The following TRIM36 variants were observed in gnomAD, a reference collection of about 807,000 sequenced individuals.
TRIM36 encodes tripartite motif containing 36.
In TRIM36, 42 loss-of-function variants were observed where a neutral mutation model predicts 72.4. That is an observed-to-expected ratio of 0.58 (90% CI 0.45 to 0.75). The LOEUF is 0.75. Among genes scored for constraint, TRIM36 ranks in the 30% least tolerant of loss-of-function variants. TRIM36 has a pLI of 0.00. For missense variants in TRIM36, 913 were observed against 857.1 expected (o/e 1.07, Z -0.81); for synonymous variants, 315 against 282.8 (o/e 1.11, Z -1.14).
chr5:115,167,874 T>C (rs112592481), intron 1 of TRIM36, among the ~76,000 whole-genome samples: 2,492 of 152,320 alleles, frequency 0.016, 76 homozygotes, highest in African/African-American at 0.057. Flanking sequence ...GAGTGGCTAA[T>C]TTATAAAGAA....
At chr5:115,173,255 A>G (rs3805590), upstream of TRIM36, among the ~76,000 whole-genome samples, 66,223 of 151,970 alleles carry the variant, frequency 0.44, 16,712 homozygotes, top group African/African-American at 0.71. Flanking sequence ...TCTATCTCTG[A>G]TCAGCCTTAA....
At chr5:115,141,605 G>GT (rs1753281694) in intron 4 of TRIM36, among the ~76,000 whole-genome samples, 1 of 152,036 alleles carries the variant, frequency 6.6e-6, no homozygotes, top group Non-Finnish European at 1.5e-5. Flanking sequence ...AAAGAACAAG[G>GT]TAATAATGGT....
chr5:115,132,651 T>C lies in TRIM36; in HGVS notation c.1498+1209A>G, dbSNP rs558169224. On this transcript the variant is annotated intron_variant, in intron 8 of 9. Coordinates refer to ENST00000513154, the MANE Select transcript of TRIM36 (RefSeq NM_001300759.2). Reference sequence around the variant, plus strand: ...ATGCCTCTTTTCCTGGCATGATTATTTGTGCTTGCTCTCAATCTCAAAAGT... The same window carrying C: ...ATGCCTCTTTTCCTGGCATGATTATCTGTGCTTGCTCTCAATCTCAAAAGT... Among the ~76,000 whole-genome samples the C allele has an allele frequency of 3.3e-5, 5 of 152,236 alleles. No homozygotes were observed. In the East Asian group the frequency reaches 9.6e-4, roughly 29 times the overall value.
chr5:115,132,988 T>C (rs1377904647), intron 8 of TRIM36, among the ~76,000 whole-genome samples: 7 of 152,200 alleles, frequency 4.6e-5, no homozygotes, highest in Non-Finnish European at 8.8e-5. Flanking sequence ...TTTTAAAAGC[T>C]ACAATGTGCA....
intron 3 of TRIM36, 118 bp from the exon 4 acceptor site, chr5:115,144,862 T>G (rs1753494013): frequency 1.7e-6 from 2 of 1,151,212 alleles, no homozygotes; most frequent in African/African-American, 3.2e-5. Context: ...TAAGTGAATA[T>G]GAATGTAAAA....
intron 7 of TRIM36, among the ~76,000 whole-genome samples, chr5:115,135,672 A>C (rs946209522): frequency 6.6e-6 from 1 of 152,138 alleles, no homozygotes; most frequent in Admixed American, 6.6e-5. Context: ...AGGACCTAGG[A>C]CTCACAAGTA....
chr5:115,137,665 C>G, intron 5 of TRIM36, 49 bp from the exon 6 acceptor site: 1 of 1,502,904 alleles, frequency 6.7e-7, no homozygotes, highest in Non-Finnish European at 8.8e-7. Context: ...CAAAGAATAG[C>G]CTCTTCTGCT....
At chr5:115,165,506 G>A (rs2126936458) in intron 1 of TRIM36, among the ~76,000 whole-genome samples, 1 of 152,328 alleles carries the variant, frequency 6.6e-6, no homozygotes, top group South Asian at 2.1e-4. Context: ...GCAATGGTCT[G>A]AACTGTACCT....
chr5:115,126,420 C>A lies in TRIM36; in HGVS notation c.*83G>T. 9.2e-7 allele frequency: 1 copy of A among 1,084,594 alleles called. No individual in the cohort carries two copies. Among genetic ancestry groups the A allele is most frequent in the Non-Finnish European group, 1.3e-6 (1 of 766,738 alleles). 67.2% of individuals were successfully genotyped at this position (1,084,594 alleles called of 1,614,324 possible). ...ACAAGTGGGGTGACAGAACACTCAG[C>A]GATATGTAATTAGTTACGAAGGTTA... On this transcript the variant is annotated 3_prime_UTR_variant, in exon 10 of 10. Coordinates refer to ENST00000513154, the MANE Select transcript of TRIM36 (RefSeq NM_001300759.2).
intron 1 of TRIM36, chr5:115,177,605 A>G: frequency 6.8e-7 from 1 of 1,478,552 alleles, no homozygotes; most frequent in South Asian, 1.4e-5. Context: ...GGGGTCTTAA[A>G]TGGGCTAGTG....
chr5:115,171,239 G>A (rs1413653736), upstream of TRIM36: 1 of 1,613,970 alleles, frequency 6.2e-7, no homozygotes, highest in Non-Finnish European at 8.5e-7. Flanking sequence ...AAGGAGTGTA[G>A]AATTAAAAAC....
At chr5:115,157,770 A>C (rs1754259984) in intron 2 of TRIM36, among the ~76,000 whole-genome samples, 1 of 152,220 alleles carries the variant, frequency 6.6e-6, no homozygotes, top group Non-Finnish European at 1.5e-5. Flanking sequence ...ACACGACGGA[A>C]TACTACTCAG....
At chr5:115,162,573 C>T (rs1476201723) in intron 2 of TRIM36, among the ~76,000 whole-genome samples, 1 of 152,142 alleles carries the variant, frequency 6.6e-6, no homozygotes, top group Non-Finnish European at 1.5e-5. Flanking sequence ...TATATAAGTG[C>T]AATCTAATTA....
intron 2 of TRIM36, among the ~76,000 whole-genome samples, chr5:115,155,393 A>T (rs1754122132): frequency 6.6e-6 from 1 of 152,206 alleles, no homozygotes; most frequent in South Asian, 2.1e-4. Context: ...ATCCCTGATG[A>T]ACACAGAAGC....
chr5:115,173,760 C>T (rs1048444472), upstream of TRIM36, among the ~76,000 whole-genome samples: 4 of 152,078 alleles, frequency 2.6e-5, no homozygotes, highest in East Asian at 1.9e-4. Flanking sequence ...CCTATTCCTC[C>T]GCAGTTTGGA....
chr5:115,152,450 G>T (rs1753944273), intron 2 of TRIM36, among the ~76,000 whole-genome samples: 1 of 152,136 alleles, frequency 6.6e-6, no homozygotes, highest in Admixed American at 6.5e-5. Flanking sequence ...AACATATTTG[G>T]GGGAATAATC....
At chr5:115,147,478 A>AT in intron 2 of TRIM36, 84 bp from the exon 3 acceptor site, 1 of 1,394,768 alleles carries the variant, frequency 7.2e-7, no homozygotes, top group Non-Finnish European at 9.9e-7. Context: ...TCTTAGAGAC[A>AT]TATCTACAAA....
chr5:115,154,663 G>A (rs915688341), intron 2 of TRIM36, among the ~76,000 whole-genome samples: 12 of 152,096 alleles, frequency 7.9e-5, no homozygotes, highest in Admixed American at 7.9e-4. Context: ...GAACAGACTA[G>A]TAACAAGCAC....
In TRIM36 at chr5:115,133,929, T is replaced by C; in HGVS notation, c.1429A>G (p.Arg477Gly). Reference sequence around the variant, plus strand: ...CTACAGATTGAACCCTTGTAAGCTCTTACTCTGAAAGCATAGGTACTACTG... The same window carrying C: ...CTACAGATTGAACCCTTGTAAGCTCCTACTCTGAAAGCATAGGTACTACTG... ...ENSSTYAFRV[R>G]AYKGSICSPC... The change falls in exon 8 of 10, where the codon AGA becomes GGA. Residue 477 changes from arginine (R) to glycine (G), a missense_variant. Arg to Gly is a moderately radical substitution (Grantham distance 125). Transcript: ENST00000513154. 3 of 1,613,662 alleles carry C rather than the reference T, an allele frequency of 1.9e-6. No homozygotes were observed. The highest frequency in any genetic ancestry group is 2.5e-6 in the Non-Finnish European group (3 of 1,179,858).
Sources: gnomAD v4.1 joint callset for allele counts (sites outside exome capture counted in the v4.1 genomes callset) on GRCh38, gnomAD v4.1.1 for gene constraint, MANE v1.5 for transcripts, NCBI Gene and HGNC (gene_info 2026-07-23, HGNC 2026-07-21) for gene names.